Variants in TMA16 observed in about 807,000 individuals in gnomAD.
TMA16 encodes the protein translation machinery-associated protein 16.
Under a neutral mutation model 27.1 loss-of-function variants are expected in TMA16, and 26 were observed. That is an observed-to-expected ratio of 0.96 (90% CI 0.70 to 1.33). The LOEUF is 1.33. Ranked by LOEUF, TMA16 falls within the 40% of genes most tolerant of loss-of-function variation. The probability of loss-of-function intolerance (pLI) is 0.00; values close to 1 mark genes in which losing one functional copy is unlikely to be tolerated. For synonymous variants in TMA16, 71 were observed against 81.9 expected (o/e 0.87, Z 0.72); for missense variants, 233 against 241.4 (o/e 0.97, Z 0.23).
chr4:163,509,789 G>A (rs750914505), intron 2 of TMA16, among the ~76,000 whole-genome samples: 1 of 152,140 alleles, frequency 6.6e-6, no homozygotes, highest in African/African-American at 2.4e-5. Context: ...GCAGCAAGTG[G>A]CTCTTTGATA....
Position 163,498,226 on chromosome 4 carries a change from C to T in TMA16, c.3+3422C>T, listed in dbSNP as rs558744882. On this transcript the variant is annotated intron_variant, in intron 1 of 6. Coordinates refer to ENST00000358572, the MANE Select transcript of TMA16 (RefSeq NM_018352.3). ...ACTGCTGCATTGATTATTTATCCCC[C>T]CTTTGGTACACGTGTAAATATGTCT... is the stretch of plus-strand genomic sequence containing the variant. Among the ~76,000 whole-genome samples, 26 of 151,984 alleles carry T rather than the reference C, an allele frequency of 1.7e-4. No homozygotes were observed. The South Asian group carries it at 3.5e-3, about 21-fold the overall frequency.
intron 6 of TMA16, 24 bp downstream of exon 6, chr4:163,517,500 C>T (rs769002365): frequency 6.2e-5 from 100 of 1,607,166 alleles, no homozygotes; most frequent in Non-Finnish European, 7.8e-5. Flanking sequence ...GTATTGTTCC[C>T]CTGAAGCTGT....
intron 1 of TMA16, among the ~76,000 whole-genome samples, chr4:163,502,089 G>A (rs1232660052): frequency 1.3e-4 from 20 of 152,022 alleles, no homozygotes; most frequent in Non-Finnish European, 1.5e-5. Context: ...ATGAGGTTGC[G>A]GTGTAAAGAG....
At chr4:163,516,525 T>G (rs555203836) in intron 5 of TMA16, among the ~76,000 whole-genome samples, 5 of 152,386 alleles carry the variant, frequency 3.3e-5, no homozygotes, top group African/African-American at 1.2e-4. Context: ...TTATCTTCTT[T>G]ATTACTTGAT....
Position 163,507,111 on chromosome 4 carries a change from A to G in TMA16, c.82A>G (p.Thr28Ala), listed in dbSNP as rs1560913723. ...ATATAGTAGAAAAGCAGCTCAAATT[A>G]CGAGAGAGGCCCACAAACAAGAAAA... ...HPYSRKAAQITREAHKQEKKE... is the reference protein window; with the variant it reads ...HPYSRKAAQIAREAHKQEKKE... Residue 28 changes from threonine (T) to alanine (A), a missense_variant, in exon 2 of 7, where the codon ACG (threonine) becomes GCG (alanine). Coordinates refer to ENST00000358572, the MANE Select transcript of TMA16 (RefSeq NM_018352.3). 1 of 1,589,658 alleles carries G rather than the reference A, an allele frequency of 6.3e-7. No individual in the cohort carries two copies. Among genetic ancestry groups the G allele is most frequent in the East Asian group, 2.3e-5 (1 of 44,314 alleles).
intron 3 of TMA16, among the ~76,000 whole-genome samples, chr4:163,513,237 T>C (rs958587136): frequency 1.3e-5 from 2 of 152,224 alleles, no homozygotes; most frequent in Non-Finnish European, 2.9e-5. Context: ...ATCTTCAGTT[T>C]GTATCTCAGT....
chr4:163,512,801 A>AT, intron 2 of TMA16, 21 bp from the exon 3 acceptor site: 1 of 1,590,278 alleles, frequency 6.3e-7, no homozygotes, highest in Non-Finnish European at 8.6e-7. Context: ...TCTAACACAT[A>AT]TATTTACCTT....
In TMA16 at chr4:163,504,372, T is replaced by C. The variant is rs140239310; in HGVS notation, c.4-2661T>C. 2.7e-3 allele frequency among the ~76,000 whole-genome samples: 417 copies of C among 152,322 alleles called. 1 individual carries two copies. The highest frequency in any genetic ancestry group is 4.2e-3 in the Non-Finnish European group (289 of 68,026). On this transcript the variant is annotated intron_variant, in intron 1 of 6. Coordinates refer to ENST00000358572, the MANE Select transcript of TMA16 (RefSeq NM_018352.3). ...AACCAATATTTATGATCTCTCCCTT[T>C]CTTTGGGTCAGGAATCAGGCATGGC...
At position 163,519,401 on chromosome 4, in the gene TMA16, AT is replaced by A. The variant is rs1560917747; in HGVS notation, c.501del (p.Lys169ArgfsTer9). 6.8e-6 allele frequency: 11 copies of A among 1,607,620 alleles called. No individual in the cohort carries two copies. The highest frequency in any genetic ancestry group is 1.1e-5 in the South Asian group (1 of 89,586). ...KMRKICANDA[I>X]PKTCKRKTII... ...GAGAAAAATTTGCGCTAATGATGCA[AT>A]TCCCAAGACGTGCAAGAGGAAAACT... On this transcript the variant is annotated frameshift_variant, in exon 7 of 7. Coordinates refer to ENST00000358572, the MANE Select transcript of TMA16 (RefSeq NM_018352.3). LOFTEE classifies it low-confidence loss of function (END_TRUNC).
At position 163,517,564 on chromosome 4, in the gene TMA16, A is replaced by G. The variant is rs79269298; in HGVS notation, c.431+88A>G. ...TTCCCCTTTGAGTCTAGCCGGTAGA[A>G]CTAAAAGAAAATCGGGTTTCTTTTA... is the stretch of plus-strand genomic sequence containing the variant. On this transcript the variant is annotated intron_variant, in intron 6 of 6. Transcript: ENST00000358572. 3.7e-3 allele frequency: 4,585 copies of G among 1,235,130 alleles called. 108 individuals carry two copies. In the African/African-American group the frequency reaches 0.056, roughly 15 times the overall value. 76.5% of individuals were successfully genotyped at this position (1,235,130 alleles called of 1,614,324 possible). A position where few individuals can be genotyped will look rare whatever the true frequency, so the allele number is the denominator to read the frequency against.
intron 1 of TMA16, among the ~76,000 whole-genome samples, chr4:163,499,284 G>A (rs1737610673): frequency 6.6e-6 from 1 of 151,826 alleles, no homozygotes; most frequent in African/African-American, 2.4e-5. Context: ...TTTTAGCTTG[G>A]TTTATGTTTT....
At chr4:163,510,382 G>T (rs1737776323) in intron 2 of TMA16, among the ~76,000 whole-genome samples, 1 of 152,118 alleles carries the variant, frequency 6.6e-6, no homozygotes, top group Admixed American at 6.6e-5. Flanking sequence ...TTCCCAGTCA[G>T]TCCTCACCCT....
chr4:163,514,651 G>A (rs1737848808), intron 4 of TMA16, among the ~76,000 whole-genome samples: 1 of 152,124 alleles, frequency 6.6e-6, no homozygotes, highest in Admixed American at 6.5e-5. Context: ...AGGAACCACA[G>A]GAGGCTTTTA....
In TMA16 at chr4:163,514,114, A is replaced by G. The variant is rs903464624; in HGVS notation, c.195A>G (p.Gln65=). The G allele has an allele frequency of 6.2e-7, 1 of 1,609,958 alleles. No individual in the cohort carries two copies. Among genetic ancestry groups the G allele is most frequent in the Non-Finnish European group, 8.5e-7 (1 of 1,178,114 alleles). ...LQWFQNHLDP[Q]KKRYSKKDAC... is the part of the protein sequence containing the mutation. ...GGTTTCAAAATCATCTTGATCCCCAAAAAAAGAGATATTCAAAGAAAGATG... is the reference window on the plus strand; with the variant it reads ...GGTTTCAAAATCATCTTGATCCCCAGAAAAAGAGATATTCAAAGAAAGATG... Residue 65 remains glutamine (Q), a synonymous_variant, in exon 4 of 7, where the codon CAA becomes CAG. Transcript: ENST00000358572.
chr4:163,497,245 T>A (rs1002585746), intron 1 of TMA16, among the ~76,000 whole-genome samples: 2 of 152,214 alleles, frequency 1.3e-5, no homozygotes, highest in Non-Finnish European at 2.9e-5. Context: ...AGAGATTATC[T>A]GTTAGTGAAA....
chr4:163,508,193 G>C (rs1283353903), intron 2 of TMA16, among the ~76,000 whole-genome samples: 1 of 152,002 alleles, frequency 6.6e-6, no homozygotes. Context: ...CTGTGATTTT[G>C]CAGTTTCTGC....
chr4:163,498,185 C>T (rs1737588958), intron 1 of TMA16, among the ~76,000 whole-genome samples: 1 of 152,106 alleles, frequency 6.6e-6, no homozygotes, highest in Admixed American at 6.6e-5. Context: ...TCTTTTGCTA[C>T]CACAGACATT....
At chr4:163,516,731 T>A (rs887763785) in intron 5 of TMA16, among the ~76,000 whole-genome samples, 1 of 152,190 alleles carries the variant, frequency 6.6e-6, no homozygotes, top group Non-Finnish European at 1.5e-5. Context: ...TTTATTGAAC[T>A]TCTTTAAGCA....
At chr4:163,500,320 C>G (rs1737631820) in intron 1 of TMA16, among the ~76,000 whole-genome samples, 1 of 150,912 alleles carries the variant, frequency 6.6e-6, no homozygotes, top group Admixed American at 6.6e-5. Flanking sequence ...AAGCAATTCT[C>G]CAGTCTCAGC....
Sources: allele counts gnomAD v4.1 joint callset (sites outside exome capture counted in the v4.1 genomes callset), GRCh38; gene constraint gnomAD v4.1.1; transcripts MANE v1.5; gene names NCBI Gene and HGNC (gene_info 2026-07-23, HGNC 2026-07-21).